The following FRMPD3 variants were observed in gnomAD, a reference collection of about 807,000 sequenced individuals.
FRMPD3 encodes the protein FERM and PDZ domain containing 3.
Under a neutral mutation model 97.9 loss-of-function variants are expected in FRMPD3, and 42 were observed. That is an observed-to-expected ratio of 0.43 (90% CI 0.34 to 0.55). The LOEUF (loss-of-function observed/expected upper bound fraction) is 0.55. Ranked by LOEUF, FRMPD3 falls within the 20% of genes least tolerant of loss-of-function variation. The pLI, the probability that FRMPD3 is intolerant of heterozygous loss-of-function variation, is 0.03. For synonymous variants in FRMPD3, 577 were observed against 581.1 expected, an observed-to-expected ratio of 0.99 and a Z score of 0.10; for missense variants, 1,303 against 1,457.7, an observed-to-expected ratio of 0.89 and a Z score of 1.73.
At chrX:107,498,083 A>G (rs551353647) in intron 1 of FRMPD3, among the ~76,000 whole-genome samples, 1 of 112,620 alleles carries the variant, frequency 8.9e-6, no homozygotes, top group Non-Finnish European at 1.9e-5. Flanking sequence ...AGTGCCAGCC[A>G]GTTTAAGAGA....
Position 107,552,711 on chromosome X carries a change from T to A in FRMPD3, c.511-84T>A, listed in dbSNP as rs1039577675. On this transcript the variant is annotated intron_variant, in intron 6 of 14. Transcript: ENST00000683843. ...AGGACTATATTTCTTTTCTTGGTGT[T>A]TAATCCCCCCTCCCATGTTTGATGC... The A allele has an allele frequency of 2.8e-6, 3 of 1,055,860 alleles. No homozygotes were observed. In the African/African-American group the frequency reaches 5.7e-5, roughly 20 times the overall value. 87.0% of individuals were successfully genotyped at this position (1,055,860 alleles called of 1,213,427 possible).
intron 4 of FRMPD3, among the ~76,000 whole-genome samples, chrX:107,542,519 A>G (rs1921360659): frequency 9.0e-6 from 1 of 111,669 alleles, no homozygotes; most frequent in Non-Finnish European, 1.9e-5. Flanking sequence ...AGCTCCTCCC[A>G]GCATTTCTAC....
In FRMPD3 at chrX:107,603,476, T is replaced by A. The variant is rs1283273335; in HGVS notation, c.*103T>A. 1 of 1,094,056 alleles carries A rather than the reference T, an allele frequency of 9.1e-7. No homozygotes were observed. The highest frequency in any genetic ancestry group is 1.2e-6 in the Non-Finnish European group (1 of 839,233). The allele number at this position is 1,094,056 out of a possible 1,213,427, so 90.2% of individuals were successfully genotyped here. A position where few individuals can be genotyped will look rare whatever the true frequency, so the allele number is the denominator to read the frequency against. On this transcript the variant is annotated 3_prime_UTR_variant, in exon 15 of 15. Transcript: ENST00000683843. Reference sequence around the variant, plus strand: ...AGTGTGTGTGTGTCTGCTGGGCCAGTCAGGGTCCAAGAGCCCATCAGTCTC... The same window carrying A: ...AGTGTGTGTGTGTCTGCTGGGCCAGACAGGGTCCAAGAGCCCATCAGTCTC...
Position 107,552,871 on chromosome X carries a change from G to T in FRMPD3, c.587G>T (p.Gly196Val). Residue 196 changes from glycine to valine, a missense_variant, in exon 7 of 15, where the codon GGG (glycine) becomes GTG (valine). Around this residue, in one of 3 missense-constraint regions of FRMPD3, gnomAD observed 535 missense variants for 618.6 expected, o/e 0.86. Transcript: ENST00000683843. ...TTTGCTCTTGTCCTTGAGTATGCCG[G>T]GCCAGAACAGAATCACAAGTTTCTG... Reference protein sequence around the residue: ...EHFALVLEYAGPEQNHKFLLL... With the variant: ...EHFALVLEYAVPEQNHKFLLL... 1 of 1,209,367 alleles carries T rather than the reference G, an allele frequency of 8.3e-7. No homozygotes were observed. The highest frequency in any genetic ancestry group is 1.1e-6 in the Non-Finnish European group (1 of 894,743).
At position 107,466,394 on chromosome X, in the gene FRMPD3, A is replaced by G. The variant is rs965883961; in HGVS notation, c.-8+16389A>G. Among the ~76,000 whole-genome samples, 6 of 112,490 alleles carry G rather than the reference A, an allele frequency of 5.3e-5. No individual in the cohort carries two copies. The Admixed American group carries it at 5.6e-4, about 11-fold the overall frequency. ...ATTCTGTGCTCTCTGCACTGAGCCA[A>G]CAGTGAACAGAGTGGAGCAGCTTTG... is the stretch of plus-strand genomic sequence containing the variant. On this transcript the variant is annotated intron_variant, in intron 1 of 14. Coordinates refer to ENST00000683843, the MANE Select transcript of FRMPD3 (RefSeq NM_001388459.1).
intron 1 of FRMPD3, among the ~76,000 whole-genome samples, chrX:107,455,016 C>G (rs1386556996): frequency 1.8e-5 from 2 of 111,734 alleles, no homozygotes; most frequent in African/African-American, 3.3e-5. Context: ...CCCTTCTACT[C>G]CAGCCAAGTT....
intron 4 of FRMPD3, among the ~76,000 whole-genome samples, chrX:107,535,022 T>G (rs1330368192): frequency 8.9e-6 from 1 of 111,977 alleles, no homozygotes; most frequent in Non-Finnish European, 1.9e-5. Flanking sequence ...CAGTAGGCAG[T>G]CAGTCCCAAC....
At chrX:107,558,094 G>C (rs1345564265) in intron 8 of FRMPD3, among the ~76,000 whole-genome samples, 1 of 108,374 alleles carries the variant, frequency 9.2e-6, no homozygotes, top group Non-Finnish European at 1.9e-5. Context: ...TGAAACTATA[G>C]ATCAATTTGG....
intron 1 of FRMPD3, among the ~76,000 whole-genome samples, chrX:107,451,885 C>G (rs745328337): frequency 9.0e-6 from 1 of 111,057 alleles, no homozygotes; most frequent in African/African-American, 3.3e-5. Context: ...AAAATCGTGA[C>G]GGCGATGGCT....
At position 107,452,391 on chromosome X, in the gene FRMPD3, A is replaced by T. The variant is rs542724564; in HGVS notation, c.-8+2386A>T. Among the ~76,000 whole-genome samples the T allele has an allele frequency of 1.2e-4, 13 of 112,093 alleles. No individual in the cohort carries two copies. The South Asian group carries it at 4.6e-3, about 39-fold the overall frequency. ...AGATATAAGCAGGAAAGAAACACTC[A>T]TTGCTGCATGTGGAGAGAATATCCC... On this transcript the variant is annotated intron_variant, in intron 1 of 14. Coordinates refer to ENST00000683843, the MANE Select transcript of FRMPD3 (RefSeq NM_001388459.1).
intron 1 of FRMPD3, among the ~76,000 whole-genome samples, chrX:107,519,569 T>A (rs1922443665): frequency 8.9e-6 from 1 of 111,848 alleles, no homozygotes; most frequent in Non-Finnish European, 1.9e-5. Flanking sequence ...CCATGATTTC[T>A]TTTAAGGAGT....
chrX:107,582,663 C>T (rs765235202), intron 13 of FRMPD3, among the ~76,000 whole-genome samples: 1 of 112,386 alleles, frequency 8.9e-6, no homozygotes, highest in Non-Finnish European at 1.9e-5. Context: ...TTTAATTGAG[C>T]TATTTCACCA....
At chrX:107,557,355 G>A (rs1014990221) in intron 8 of FRMPD3, among the ~76,000 whole-genome samples, 2 of 109,952 alleles carry the variant, frequency 1.8e-5, no homozygotes, top group African/African-American at 6.6e-5. Flanking sequence ...TATATACTCT[G>A]GATACAAGCT....
At chrX:107,560,058 G>A (rs960710130) in intron 8 of FRMPD3, among the ~76,000 whole-genome samples, 199 bp from the exon 9 acceptor site, 2 of 106,050 alleles carry the variant, frequency 1.9e-5, no homozygotes, top group Non-Finnish European at 3.9e-5. Flanking sequence ...TCTAGTATCT[G>A]CTGAATAAAG....
At chrX:107,461,349 A>G (rs1023821204) in intron 1 of FRMPD3, among the ~76,000 whole-genome samples, 1 of 110,921 alleles carries the variant, frequency 9.0e-6, no homozygotes, top group African/African-American at 3.3e-5. Flanking sequence ...CTCTCTATCA[A>G]TGACACCATC....
At chrX:107,585,433 T>C (rs1923599713) in intron 13 of FRMPD3, among the ~76,000 whole-genome samples, 1 of 111,765 alleles carries the variant, frequency 8.9e-6, no homozygotes, top group African/African-American at 3.3e-5. Flanking sequence ...ATACACTTTA[T>C]TTCTTTCTTT....
intron 1 of FRMPD3, among the ~76,000 whole-genome samples, chrX:107,450,393 C>T (rs1931261386): frequency 1.8e-5 from 2 of 111,194 alleles, no homozygotes; most frequent in South Asian, 3.8e-4. Context: ...GCCACTTAGC[C>T]GGGGTGCCCG....
intron 1 of FRMPD3, among the ~76,000 whole-genome samples, chrX:107,493,952 A>C (rs1187795120): frequency 1.8e-5 from 2 of 111,598 alleles, no homozygotes; most frequent in Non-Finnish European, 3.8e-5. Flanking sequence ...GAAAGCTCTC[A>C]GAAAGGTTTC....
intron 1 of FRMPD3, among the ~76,000 whole-genome samples, chrX:107,476,620 G>A (rs1005862067): frequency 1.8e-5 from 2 of 112,271 alleles, no homozygotes; most frequent in Non-Finnish European, 3.8e-5. Context: ...CACAGTGCCT[G>A]GCATTCAGTG....
Sources: gnomAD v4.1 joint callset for allele counts (sites outside exome capture counted in the v4.1 genomes callset) on GRCh38, gnomAD v4.1.1 for gene constraint, gnomAD v4.1.1 regional missense constraint, MANE v1.5 for transcripts, NCBI Gene and HGNC (gene_info 2026-07-23, HGNC 2026-07-21) for gene names.